ARID4B: variants seen among roughly 807,000 people sequenced by gnomAD.
ARID4B encodes AT-rich interactive domain-containing protein 4B.
In ARID4B, 26 loss-of-function variants were observed where a neutral mutation model predicts 147.5. The observed-to-expected ratio is 0.18, with a 90% CI of 0.13 to 0.24. The LOEUF (loss-of-function observed/expected upper bound fraction) is 0.24. ARID4B is among the 10% of genes least tolerant of loss of function. The pLI is 1.00. For missense variants in ARID4B, 1,179 were observed against 1,511.5 expected, an observed-to-expected ratio of 0.78 and a Z score of 3.65; for synonymous variants, 512 against 507.9, an observed-to-expected ratio of 1.01 and a Z score of -0.11.
chr1:235,294,674 G>A (rs986767296), intron 2 of ARID4B, among the ~76,000 whole-genome samples: 5 of 150,430 alleles, frequency 3.3e-5, no homozygotes, highest in African/African-American at 7.3e-5. Context: ...TACCACACCC[G>A]GCTGATTTTT....
chr1:235,244,921 A>G (rs1189163699), intron 7 of ARID4B, among the ~76,000 whole-genome samples: 1 of 152,190 alleles, frequency 6.6e-6, no homozygotes, highest in Non-Finnish European at 1.5e-5. Context: ...TGGGCATTTC[A>G]AACTGTAGTA....
At chr1:235,320,959 T>C (rs1229080711) in intron 2 of ARID4B, among the ~76,000 whole-genome samples, 1 of 152,210 alleles carries the variant, frequency 6.6e-6, no homozygotes, top group Non-Finnish European at 1.5e-5. Context: ...TCCGTATCAT[T>C]TCTCTTCAAA....
At chr1:235,327,390 G>A (rs942716643) in intron 1 of ARID4B, 1 of 152,330 alleles carries the variant, frequency 6.6e-6, no homozygotes, top group Non-Finnish European at 1.5e-5. Context: ...AGGGCCTGTG[G>A]GCCGCGGGCA....
intron 20 of ARID4B, 127 bp downstream of exon 20, chr1:235,181,458 T>A: frequency 3.1e-6 from 4 of 1,292,254 alleles, no homozygotes; most frequent in Non-Finnish European, 3.2e-6. Context: ...AAAATTTCCA[T>A]TTTTACCATG....
chr1:235,219,111 G>GC (rs1266769411), intron 16 of ARID4B, among the ~76,000 whole-genome samples: 1 of 151,902 alleles, frequency 6.6e-6, no homozygotes, highest in African/African-American at 2.4e-5. Context: ...TGATCTGCCC[G>GC]CCCCGGTCTC....
At chr1:235,256,538 C>A (rs897558052) in intron 4 of ARID4B, among the ~76,000 whole-genome samples, 4 of 152,326 alleles carry the variant, frequency 2.6e-5, no homozygotes, top group Non-Finnish European at 5.9e-5. Context: ...AAAAGCAAAG[C>A]AGCATTTATT....
At chr1:235,300,473 T>C (rs936541574) in intron 2 of ARID4B, among the ~76,000 whole-genome samples, 1 of 151,920 alleles carries the variant, frequency 6.6e-6, no homozygotes, top group Non-Finnish European at 1.5e-5. Context: ...TTCAACTCTA[T>C]GCTCTATAAC....
intron 11 of ARID4B, chr1:235,228,945 T>G: frequency 3.5e-6 from 1 of 283,916 alleles, no homozygotes; most frequent in Non-Finnish European, 6.6e-6. Context: ...GCGCCCAGCC[T>G]GGTGGATACT....
In ARID4B at chr1:235,213,990, T is replaced by C; in HGVS notation, c.1620A>G (p.Glu540=). Reference sequence around the variant, plus strand: ...CCTCCTCCTCCTCCTCTTCTGCTTCTTCATCATCTTCATCTTCTTCTTTAT... The same window carrying C: ...CCTCCTCCTCCTCCTCTTCTGCTTCCTCATCATCTTCATCTTCTTCTTTAT... ...ETNKEEDEDD[E]EAEEEEEEEE... Residue 540 remains glutamate, a synonymous_variant, in exon 17 of 24, where the codon GAA becomes GAG. Transcript: ENST00000264183. 6.3e-7 allele frequency: 1 copy of C among 1,589,230 alleles called. No individual in the cohort carries two copies. Among genetic ancestry groups the C allele is most frequent in the Non-Finnish European group, 8.6e-7 (1 of 1,157,880 alleles).
chr1:235,202,050 C>T (rs949363524), intron 17 of ARID4B, among the ~76,000 whole-genome samples: 39 of 149,954 alleles, frequency 2.6e-4, no homozygotes, highest in Admixed American at 2.3e-3. Flanking sequence ...CATATATATA[C>T]AATCCAGGAT....
chr1:235,173,794 A>G (rs1488201856), intron 22 of ARID4B, among the ~76,000 whole-genome samples: 5 of 78,428 alleles, frequency 6.4e-5, no homozygotes, highest in African/African-American at 2.5e-4. Context: ...ATATATATAT[A>G]TATATATATA....
In ARID4B at chr1:235,172,654, G is replaced by C. The variant is rs765733853; in HGVS notation, c.3775C>G (p.Arg1259Gly). ...TTCTTCTTTAAACGCTTTCTCCTCC[G>C]ATCAATGGAAGCTACTTCAGATTTT... is the stretch of plus-strand genomic sequence containing the variant. The part of the protein sequence containing the change: ...SLKSEVASID[R>G]RRKRLKKKER... The change falls in exon 23 of 24, where the codon CGG (arginine) becomes GGG (glycine). Residue 1259 changes from arginine (R) to glycine (G), a missense_variant. Around this residue, in one of 10 missense-constraint regions of ARID4B, gnomAD observed 357 missense variants for 427.3 expected, o/e 0.84. Coordinates refer to ENST00000264183, the MANE Select transcript of ARID4B (RefSeq NM_016374.6). 4.4e-6 allele frequency: 7 copies of C among 1,594,512 alleles called. No homozygotes were observed. The highest frequency in any genetic ancestry group is 3.4e-6 in the Non-Finnish European group (4 of 1,172,748).
At chr1:235,186,426 T>A (rs1191231189) in intron 19 of ARID4B, among the ~76,000 whole-genome samples, 2 of 151,778 alleles carry the variant, frequency 1.3e-5, no homozygotes, top group African/African-American at 4.8e-5. Flanking sequence ...TTTTTTTTTT[T>A]AAGAGACAGA....
At chr1:235,255,300 T>TACAC (rs760399517) in intron 5 of ARID4B, among the ~76,000 whole-genome samples, 2 of 150,530 alleles carry the variant, frequency 1.3e-5, no homozygotes, top group Non-Finnish European at 3.0e-5. Flanking sequence ...TATATATATA[T>TACAC]ACACAGTTAA....
intron 2 of ARID4B, among the ~76,000 whole-genome samples, chr1:235,288,888 A>G (rs1342842139): frequency 6.6e-6 from 1 of 152,258 alleles, no homozygotes; most frequent in African/African-American, 2.4e-5. Context: ...ATTTTCAACC[A>G]AAACTTTTCT....
chr1:235,198,968 G>A (rs371071056), intron 17 of ARID4B, among the ~76,000 whole-genome samples: 4 of 152,066 alleles, frequency 2.6e-5, no homozygotes, highest in African/African-American at 4.8e-5. Flanking sequence ...GCATGATGGC[G>A]CATGCCTGTA....
intron 16 of ARID4B, among the ~76,000 whole-genome samples, chr1:235,219,163 C>T (rs568025546): frequency 1.3e-5 from 2 of 152,178 alleles, no homozygotes; most frequent in African/African-American, 4.8e-5. Context: ...CCGCACCTGG[C>T]CTGCTAAATG....
intron 20 of ARID4B, 123 bp downstream of exon 20, chr1:235,181,462 T>A (rs1470009858): frequency 7.6e-7 from 1 of 1,311,200 alleles, no homozygotes; most frequent in Non-Finnish European, 1.0e-6. Context: ...TTTCCATTTT[T>A]ACCATGTTCA....
At chr1:235,324,037 C>T (rs1027791492) in intron 2 of ARID4B, among the ~76,000 whole-genome samples, 4 of 151,866 alleles carry the variant, frequency 2.6e-5, no homozygotes, top group Non-Finnish European at 5.9e-5. Flanking sequence ...TTCCGAATAG[C>T]TGGGATTACA....
Sources: allele counts gnomAD v4.1 joint callset (sites outside exome capture counted in the v4.1 genomes callset), GRCh38; gene constraint gnomAD v4.1.1; regional missense constraint gnomAD v4.1.1; transcripts MANE v1.5; gene names NCBI Gene and HGNC (gene_info 2026-07-23, HGNC 2026-07-21).